The following DSCAM variants were observed in gnomAD, a reference collection of about 807,000 sequenced individuals.
The protein encoded by DSCAM is cell adhesion molecule DSCAM.
Under a neutral mutation model 217.7 loss-of-function variants are expected in DSCAM, and 47 were observed. The observed-to-expected ratio is 0.22, with a 90% CI of 0.17 to 0.28. The LOEUF is 0.28. DSCAM is among the 10% of genes least tolerant of loss of function. DSCAM has a pLI of 1.00. For missense variants in DSCAM, 2,080 were observed against 2,618.3 expected, an observed-to-expected ratio of 0.79 and a Z score of 4.49; for synonymous variants, 1,056 against 1,015.3, an observed-to-expected ratio of 1.04 and a Z score of -0.76.
intron 32 of DSCAM, 107 bp downstream of exon 32, chr21:40,042,264 G>A: frequency 1.7e-6 from 2 of 1,170,194 alleles, no homozygotes; most frequent in Middle Eastern, 2.9e-4. Flanking sequence ...CATAAACAGA[G>A]CACCCATTTG....
At chr21:40,093,512 T>C (rs772562093) in intron 21 of DSCAM, among the ~76,000 whole-genome samples, 1 of 152,188 alleles carries the variant, frequency 6.6e-6, no homozygotes, top group Non-Finnish European at 1.5e-5. Flanking sequence ...AGGCCACTCA[T>C]TCTCAGCTTT....
chr21:40,147,398 C>G (rs569617271), intron 16 of DSCAM, among the ~76,000 whole-genome samples: 3 of 152,342 alleles, frequency 2.0e-5, no homozygotes, highest in African/African-American at 7.2e-5. Context: ...AAAACCCATC[C>G]TAACTAGCTT....
chr21:40,100,067 C>G (rs1206673940), intron 20 of DSCAM, among the ~76,000 whole-genome samples: 2 of 152,160 alleles, frequency 1.3e-5, no homozygotes, highest in African/African-American at 4.8e-5. Context: ...CCCTAGAGGA[C>G]AGAGCAAGCC....
intron 11 of DSCAM, among the ~76,000 whole-genome samples, chr21:40,230,726 T>C (rs547906852): frequency 3.2e-4 from 49 of 152,370 alleles, no homozygotes; most frequent in African/African-American, 1.2e-3. Flanking sequence ...AAGAGTGTGT[T>C]GTGTTAATTC....
At chr21:40,484,966 G>T (rs1234062664) in intron 3 of DSCAM, among the ~76,000 whole-genome samples, 1 of 152,096 alleles carries the variant, frequency 6.6e-6, no homozygotes, top group African/African-American at 2.4e-5. Context: ...CTTTGCTCCT[G>T]CTCCTTCATT....
intron 8 of DSCAM, among the ~76,000 whole-genome samples, chr21:40,316,769 T>C (rs367965696): frequency 6.6e-5 from 10 of 152,272 alleles, no homozygotes; most frequent in African/African-American, 2.2e-4. Flanking sequence ...CTCAGAGCCA[T>C]TGAATACTGC....
chr21:40,832,613 G>A (rs966871277), intron 1 of DSCAM, among the ~76,000 whole-genome samples: 1 of 152,112 alleles, frequency 6.6e-6, no homozygotes, highest in Non-Finnish European at 1.5e-5. Flanking sequence ...AGAGGCTATC[G>A]TTTCCAGCCA....
intron 1 of DSCAM, among the ~76,000 whole-genome samples, chr21:40,763,814 T>C (rs919586588): frequency 4.1e-4 from 63 of 152,326 alleles, no homozygotes; most frequent in African/African-American, 1.4e-3. Context: ...ATCTGATCTT[T>C]GGAAAACGTG....
intron 1 of DSCAM, among the ~76,000 whole-genome samples, chr21:40,820,654 T>C (rs2091917195): frequency 6.6e-6 from 1 of 152,040 alleles, no homozygotes; most frequent in South Asian, 2.1e-4. Flanking sequence ...GGGTCATAAA[T>C]ATGTATTACA....
At chr21:40,223,318 C>T (rs364721) in intron 11 of DSCAM, among the ~76,000 whole-genome samples, 1 of 152,074 alleles carries the variant, frequency 6.6e-6, no homozygotes, top group East Asian at 1.9e-4. Flanking sequence ...CCTGAGAGCC[C>T]CCATTCAAGT....
intron 1 of DSCAM, among the ~76,000 whole-genome samples, chr21:40,790,641 G>A (rs187389072): frequency 2.0e-5 from 3 of 152,236 alleles, no homozygotes; most frequent in Admixed American, 2.0e-4. Flanking sequence ...GTGTTATGAG[G>A]GTGTGTGTGC....
intron 3 of DSCAM, among the ~76,000 whole-genome samples, chr21:40,680,355 T>C (rs2090386860): frequency 6.6e-6 from 1 of 152,134 alleles, no homozygotes; most frequent in African/African-American, 2.4e-5. Flanking sequence ...ACTGCAGTTA[T>C]GGCACTCTTC....
chr21:40,251,364 T>C (rs1369986771), intron 11 of DSCAM, among the ~76,000 whole-genome samples: 1 of 152,058 alleles, frequency 6.6e-6, no homozygotes, highest in Non-Finnish European at 1.5e-5. Flanking sequence ...GAAAAAAAAA[T>C]AGGCCACAAG....
In DSCAM at chr21:40,167,395, C is replaced by G. The variant is rs2090609132; in HGVS notation, c.2948-107G>C. 5 of 948,768 alleles carry G rather than the reference C, an allele frequency of 5.3e-6. No individual in the cohort carries two copies. The East Asian group carries it at 1.2e-4, about 23-fold the overall frequency. The allele number at this position is 948,768 out of a possible 1,614,324, so 58.8% of individuals were successfully genotyped here. On this transcript the variant is annotated intron_variant, in intron 15 of 32. Transcript: ENST00000400454. ...GAGGACAACCCATCCCTATGTTTGGCACAGAGAAAGAAGTTTTTAGCGGTC... is the reference window on the plus strand; with the variant it reads ...GAGGACAACCCATCCCTATGTTTGGGACAGAGAAAGAAGTTTTTAGCGGTC...
At chr21:40,194,623 T>C (rs568754133) in intron 11 of DSCAM, among the ~76,000 whole-genome samples, 1 of 152,242 alleles carries the variant, frequency 6.6e-6, no homozygotes, top group Non-Finnish European at 1.5e-5. Context: ...TATCAATTTA[T>C]AAATTTGCTT....
chr21:40,608,644 T>C (rs550220395), intron 3 of DSCAM, among the ~76,000 whole-genome samples: 1 of 152,294 alleles, frequency 6.6e-6, no homozygotes, highest in South Asian at 2.1e-4. Context: ...CTATTGACCA[T>C]CAAAGCCCAT....
chr21:40,805,313 C>T (rs778147043), intron 1 of DSCAM, among the ~76,000 whole-genome samples: 6 of 152,120 alleles, frequency 3.9e-5, no homozygotes, highest in Non-Finnish European at 7.3e-5. Context: ...TGTGAGGGTT[C>T]CTTCTGTTTG....
At chr21:40,642,979 C>A (rs141694812) in intron 3 of DSCAM, among the ~76,000 whole-genome samples, 1 of 152,292 alleles carries the variant, frequency 6.6e-6, no homozygotes, top group Non-Finnish European at 1.5e-5. Context: ...GGACTCAGGG[C>A]TCTGGGATAC....
In DSCAM at chr21:40,093,824, G is replaced by A. The variant is rs747427074; in HGVS notation, c.3747C>T (p.Pro1249=). Residue 1249 remains proline, a synonymous_variant, in exon 21 of 33, where the codon CCC becomes CCT. Coordinates refer to ENST00000400454, the MANE Select transcript of DSCAM (RefSeq NM_001389.5). Reference sequence around the variant, plus strand: ...TGTACTGACGATTCCTACTCAGGTTGGGAATTCTGTAGGAAAACGAGTCGG... The same window carrying A: ...TGTACTGACGATTCCTACTCAGGTTAGGAATTCTGTAGGAAAACGAGTCGG... ...ASPDSFSYRI[P]NLSRNRQYSV... 7 of 1,613,982 alleles carry A rather than the reference G, an allele frequency of 4.3e-6. No individual in the cohort carries two copies. The highest frequency in any genetic ancestry group is 1.7e-5 in the Admixed American group (1 of 60,006).
Sources: allele counts gnomAD v4.1 joint callset (sites outside exome capture counted in the v4.1 genomes callset), GRCh38; gene constraint gnomAD v4.1.1; transcripts MANE v1.5; gene names NCBI Gene and HGNC (gene_info 2026-07-23, HGNC 2026-07-21).